The following PSD2 variants were observed in gnomAD, a reference collection of about 807,000 sequenced individuals.
The protein encoded by PSD2 is pleckstrin and Sec7 domain containing 2.
PSD2 carries 38 observed loss-of-function variants against 69.8 expected under a neutral mutation model. The observed-to-expected ratio is 0.54, with a 90% CI of 0.42 to 0.71. The LOEUF is 0.71. Among genes scored for constraint, PSD2 ranks in the 30% least tolerant of loss-of-function variants. The probability of loss-of-function intolerance (pLI) is 0.00; values close to 1 mark genes in which losing one functional copy is unlikely to be tolerated. For missense variants in PSD2, 943 were observed against 1,014.5 expected (o/e 0.93, Z 0.96); for synonymous variants, 412 against 423.0 (o/e 0.97, Z 0.32).
At chr5:139,794,083 C>T (rs1231460362), upstream of PSD2, among the ~76,000 whole-genome samples, 2 of 152,186 alleles carry the variant, frequency 1.3e-5, no homozygotes, top group Non-Finnish European at 2.9e-5. Flanking sequence ...CCCTCTGTGC[C>T]CTTTAAGATC....
At chr5:139,763,571 C>T in the PSD2 span, among the ~76,000 whole-genome samples, 2 of 152,206 alleles carry the variant, frequency 1.3e-5, no homozygotes, top group Non-Finnish European at 2.9e-5. Context: ...GCTTCACCTG[C>T]CCTGGGCCAG....
At chr5:139,744,727 C>G in the PSD2 span, among the ~76,000 whole-genome samples, 2 of 152,252 alleles carry the variant, frequency 1.3e-5, no homozygotes, top group East Asian at 1.9e-4. Flanking sequence ...ATTTATGAGG[C>G]GGGCAGGAAG....
At chr5:139,825,079 T>C (rs1231939469) in intron 7 of PSD2, among the ~76,000 whole-genome samples, 1 of 152,162 alleles carries the variant, frequency 6.6e-6, no homozygotes, top group Admixed American at 6.5e-5. Context: ...TGCTTTTGTG[T>C]TCCATGAACA....
At position 139,809,549 on chromosome 5, in the gene PSD2, G is replaced by A; in HGVS notation, c.109G>A (p.Glu37Lys). 1 of 1,613,806 alleles carries A rather than the reference G, an allele frequency of 6.2e-7. No individual in the cohort carries two copies. Among genetic ancestry groups the A allele is most frequent in the South Asian group, 1.1e-5 (1 of 91,030 alleles). ...EPGVRNGMAS[E>K]GLNSSLCSPG... is the part of the protein sequence containing the mutation. ...AGGGGTCCGGAATGGGATGGCCAGT[G>A]AGGGCCTGAACAGCAGCCTCTGCAG... Residue 37 changes from glutamate (E) to lysine (K), a missense_variant, in exon 2 of 15, where the codon GAG becomes AAG. This residue lies in a region of PSD2 where 466 missense variants were observed against 445.0 expected (regional missense o/e 1.05). Coordinates refer to ENST00000274710, the MANE Select transcript of PSD2 (RefSeq NM_032289.4).
rs979664782 is a variant in PSD2 at position 139,828,949 on chromosome 5, G to A, written c.1270-4753G>A. On this transcript the variant is annotated intron_variant, in intron 7 of 14. Transcript: ENST00000274710. ...GACCCGCTGTGACTTTCCTCTGCTC[G>A]GAGACAGAGGCTGTGGGAAGAAGTC... Among the ~76,000 whole-genome samples the A allele has an allele frequency of 9.3e-5, 14 of 150,776 alleles. No homozygotes were observed. The East Asian group carries it at 1.0e-3, about 11-fold the overall frequency.
chr5:139,781,399 A>G, the PSD2 span, among the ~76,000 whole-genome samples: 2 of 151,258 alleles, frequency 1.3e-5, no homozygotes. Flanking sequence ...GCAGTGGTGC[A>G]ATCTTGGCCC....
the PSD2 span, among the ~76,000 whole-genome samples, chr5:139,747,296 C>A: frequency 6.6e-6 from 1 of 152,124 alleles, no homozygotes; most frequent in Non-Finnish European, 1.5e-5. The surrounding 1 kb of genome is among the most constrained non-coding windows in gnomAD (Gnocchi z 6.7). Context: ...GCCCTGTTTA[C>A]GACATCCCCT....
the PSD2 span, among the ~76,000 whole-genome samples, chr5:139,751,259 G>A: frequency 9.4e-4 from 143 of 152,246 alleles, no homozygotes; most frequent in African/African-American, 3.3e-3. Flanking sequence ...AGAGGGGGGC[G>A]GAGGTGGCCA....
chr5:139,825,762 G>A (rs375995192), intron 7 of PSD2, among the ~76,000 whole-genome samples: 3 of 152,300 alleles, frequency 2.0e-5, no homozygotes, highest in East Asian at 1.9e-4. Flanking sequence ...CATCAGTGCG[G>A]GGAGGCCAAG....
chr5:139,776,762 G>A, the PSD2 span, among the ~76,000 whole-genome samples: 31 of 151,376 alleles, frequency 2.0e-4, no homozygotes, highest in African/African-American at 6.6e-4. Flanking sequence ...TCAACTTCCT[G>A]GGCTCAAGTG....
At chr5:139,822,596 C>T in intron 6 of PSD2, 130 bp from the exon 7 acceptor site, 1 of 691,318 alleles carries the variant, frequency 1.4e-6, no homozygotes, top group Non-Finnish European at 2.4e-6. Flanking sequence ...CAGGCCCTGT[C>T]CCCTGAGGTG....
chr5:139,791,150 C>A (rs1381729773), upstream of PSD2, among the ~76,000 whole-genome samples: 1 of 152,140 alleles, frequency 6.6e-6, no homozygotes, highest in Non-Finnish European at 1.5e-5. Flanking sequence ...GAAAAAGGCA[C>A]TCTGCACAGT....
Position 139,839,802 on chromosome 5 carries a change from G to C in PSD2, c.1969-225G>C, listed in dbSNP as rs533476053. The stretch of plus-strand genomic sequence containing the variant: ...CCCAAGCCTGCGGTGGGGTGGCTGG[G>C]GGGCATCGAGGAAAGCTGATGCTGA... On this transcript the variant is annotated intron_variant, in intron 13 of 14. Coordinates refer to ENST00000274710, the MANE Select transcript of PSD2 (RefSeq NM_032289.4). This position sits in a 1 kb window ranked among gnomAD's most constrained non-coding sequence, Gnocchi z 5.1. Among the ~76,000 whole-genome samples the C allele has an allele frequency of 1.3e-5, 2 of 152,180 alleles. No homozygotes were observed. The highest frequency in any genetic ancestry group is 4.8e-5 in the African/African-American group (2 of 41,428).
the PSD2 span, among the ~76,000 whole-genome samples, chr5:139,780,446 T>C: frequency 6.6e-6 from 1 of 152,148 alleles, no homozygotes; most frequent in South Asian, 2.1e-4. Flanking sequence ...TTTTTTGTTG[T>C]TGTTGTTCTT....
chr5:139,816,512 G>A (rs566152619), intron 4 of PSD2, among the ~76,000 whole-genome samples: 2 of 152,286 alleles, frequency 1.3e-5, no homozygotes, highest in South Asian at 4.1e-4. Context: ...AATGTTCCAC[G>A]GTTTGGATAT....
chr5:139,777,544 A>C, the PSD2 span, among the ~76,000 whole-genome samples: 1 of 152,216 alleles, frequency 6.6e-6, no homozygotes, highest in Non-Finnish European at 1.5e-5. Flanking sequence ...GAATAAAATA[A>C]TTTTGATGAT....
At chr5:139,778,268 C>T in the PSD2 span, among the ~76,000 whole-genome samples, 1 of 152,192 alleles carries the variant, frequency 6.6e-6, no homozygotes, top group South Asian at 2.1e-4. Context: ...AATAGGAAGA[C>T]AGCTAGTCAC....
chr5:139,838,937 C>A (rs1760806015), intron 13 of PSD2, among the ~76,000 whole-genome samples, 165 bp downstream of exon 13: 1 of 152,178 alleles, frequency 6.6e-6, no homozygotes, highest in African/African-American at 2.4e-5. Flanking sequence ...CCCACCCCCA[C>A]ATCAACAGGG....
rs545764534 is a variant in PSD2 at position 139,841,419 on chromosome 5, A to G, written c.2113-852A>G. Among the ~76,000 whole-genome samples the G allele has an allele frequency of 1.2e-4, 18 of 152,360 alleles. No individual in the cohort carries two copies. The South Asian group carries it at 2.7e-3, about 23-fold the overall frequency. ...ATTTTGTTTATCCGTTTATCCATCAATGAACACTTGGCTTACTTCCATCTT... is the reference window on the plus strand; with the variant it reads ...ATTTTGTTTATCCGTTTATCCATCAGTGAACACTTGGCTTACTTCCATCTT... On this transcript the variant is annotated intron_variant, in intron 14 of 14. Transcript: ENST00000274710.
Sources: allele counts gnomAD v4.1 joint callset (sites outside exome capture counted in the v4.1 genomes callset), GRCh38; gene constraint gnomAD v4.1.1; regional missense constraint gnomAD v4.1.1; non-coding constraint Gnocchi (gnomAD v3.1); transcripts MANE v1.5; gene names NCBI Gene and HGNC (gene_info 2026-07-23, HGNC 2026-07-21).